The following NAV1 variants were observed in gnomAD, a reference collection of about 807,000 sequenced individuals.
NAV1 encodes neuron navigator 1, also known as pore membrane and/or filament interacting like protein 3.
A neutral mutation model predicts 175.2 loss-of-function variants in NAV1; 18 were observed. The observed-to-expected ratio is 0.10, with a 90% confidence interval of 0.07 to 0.15. The LOEUF (loss-of-function observed/expected upper bound fraction) is 0.15. NAV1 is among the 10% of genes least tolerant of loss of function. NAV1 has a pLI of 1.00. For missense variants in NAV1, 1,731 were observed against 2,436.6 expected, an observed-to-expected ratio of 0.71 and a Z score of 6.10; for synonymous variants, 897 against 978.7, an observed-to-expected ratio of 0.92 and a Z score of 1.56.
chr1:201,686,085 A>T (rs1197013543), intron 1 of NAV1, among the ~76,000 whole-genome samples: 2 of 152,222 alleles, frequency 1.3e-5, no homozygotes, highest in Non-Finnish European at 2.9e-5. Context: ...GAGCCAGAGA[A>T]GAGGCTGTGG....
intron 10 of NAV1, 58 bp from the exon 15 acceptor site, chr1:201,789,681 CA>C: frequency 1.3e-6 from 2 of 1,539,448 alleles, no homozygotes; most frequent in Non-Finnish European, 1.8e-6. Flanking sequence ...GGGAGTCTTC[CA>C]AAAACCCCTT....
intron 3 of NAV1, among the ~76,000 whole-genome samples, chr1:201,730,821 G>A (rs748992487): frequency 2.0e-5 from 3 of 152,180 alleles, no homozygotes; most frequent in Non-Finnish European, 4.4e-5. Context: ...TTCATGAGGG[G>A]CCAGCTCTGG....
exon 1 of NAV1, chr1:201,649,379 G>T: frequency 6.2e-7 from 1 of 1,601,702 alleles, no homozygotes; most frequent in East Asian, 2.3e-5. Flanking sequence ...AGCTGGTGGT[G>T]ACCGTGCTGG....
intron 1 of NAV1, among the ~76,000 whole-genome samples, chr1:201,571,330 C>T (rs1323052987): frequency 3.3e-5 from 5 of 152,210 alleles, no homozygotes; most frequent in South Asian, 2.1e-4. Flanking sequence ...TAGAACAGTG[C>T]GTGACACATA....
intron 1 of NAV1, among the ~76,000 whole-genome samples, chr1:201,704,706 CA>C (rs921896889): frequency 1.3e-5 from 2 of 152,208 alleles, no homozygotes; most frequent in Non-Finnish European, 2.9e-5. Context: ...TGGGGGTTTG[CA>C]AAGATGAGGC....
At chr1:201,797,034 C>T (rs1391111831) in intron 15 of NAV1, 2 of 152,120 alleles carry the variant, frequency 1.3e-5, no homozygotes, top group African/African-American at 4.8e-5. Context: ...GCTACTTGTG[C>T]TTTAGGTGCT....
At chr1:201,746,505 A>C (rs1219722752) in intron 3 of NAV1, among the ~76,000 whole-genome samples, 1 of 152,200 alleles carries the variant, frequency 6.6e-6, no homozygotes, top group Non-Finnish European at 1.5e-5. Context: ...AACAAAAGAC[A>C]ACCTATTCCC....
rs777210970 is a variant in NAV1, at chr1:201,782,308, C to A, written c.1796C>A (p.Pro599His). 2 of 1,614,204 alleles carry A rather than the reference C, an allele frequency of 1.2e-6. No homozygotes were observed. Among genetic ancestry groups the A allele is most frequent in the East Asian group, 2.2e-5 (1 of 44,868 alleles). ...AAGCCCCCCTCGGGCATTGCTCGCC[C>A]CTCCACTTCGGGATCCTTTGGCTAC... The change falls in exon 6 of 30, where the codon CCC becomes CAC. Residue 599 changes from proline (P) to histidine (H), a missense_variant. Pro to His is a moderately conservative substitution (Grantham distance 77). This residue lies in a region of NAV1 where 634 missense variants were observed against 766.8 expected (regional missense o/e 0.83). Coordinates refer to ENST00000367296, the Ensembl canonical transcript of NAV1. The surrounding 1 kb of genome is among the most constrained non-coding windows in gnomAD (Gnocchi z 5.4).
At position 201,740,148 on chromosome 1, in the gene NAV1, CCCGCCGCAGCCCCCCAGTT is replaced by C; in HGVS notation, c.1226+21404_1226+21422del. On this transcript the variant is annotated intron_variant, in intron 3 of 29. Transcript: ENST00000367296. The surrounding 1 kb of genome is among the most constrained non-coding windows in gnomAD (Gnocchi z 4.7). Reference sequence around the variant, plus strand: ...GGGTCGGGTTTGTGGCACCCCCAGCCCCGCCGCAGCCCCCCAGTTCCGCCGCAGCTGCAGTCTCAGGGGC... The same window carrying C: ...GGGTCGGGTTTGTGGCACCCCCAGCCCCGCCGCAGCTGCAGTCTCAGGGGC... 1 of 1,219,892 alleles carries C rather than the reference CCCGCCGCAGCCCCCCAGTT, an allele frequency of 8.2e-7. No individual in the cohort carries two copies. Among genetic ancestry groups the C allele is most frequent in the East Asian group, 3.1e-5 (1 of 32,720 alleles). The allele number at this position is 1,219,892 out of a possible 1,614,324, so 75.6% of individuals were successfully genotyped here.
At chr1:201,783,045 C>T (rs751861726) in intron 6 of NAV1, among the ~76,000 whole-genome samples, 176 bp downstream of exon 10, 1 of 152,206 alleles carries the variant, frequency 6.6e-6, no homozygotes, top group African/African-American at 2.4e-5. Context: ...TAGTTTCTGA[C>T]AGTTCTGAAA....
At chr1:201,679,789 C>A (rs1174614515) in intron 1 of NAV1, among the ~76,000 whole-genome samples, 1 of 152,168 alleles carries the variant, frequency 6.6e-6, no homozygotes, top group African/African-American at 2.4e-5. Context: ...GGAGGCTTTG[C>A]TTTGGAGTGA....
chr1:201,676,959 T>C (rs1182542081), intron 1 of NAV1, among the ~76,000 whole-genome samples: 1 of 152,016 alleles, frequency 6.6e-6, no homozygotes, highest in African/African-American at 2.4e-5. Flanking sequence ...AAGTCAGAAT[T>C]ACTGGGGTCT....
chr1:201,675,785 C>G (rs60232157), intron 1 of NAV1, among the ~76,000 whole-genome samples: 11,554 of 152,256 alleles, frequency 0.076, 495 homozygotes, highest in African/African-American at 0.11. Flanking sequence ...ACCCTGGCCT[C>G]CTGAGGCAAC....
At chr1:201,570,761 T>G (rs1327293749) in intron 1 of NAV1, among the ~76,000 whole-genome samples, 1 of 152,170 alleles carries the variant, frequency 6.6e-6, no homozygotes, top group Non-Finnish European at 1.5e-5. Flanking sequence ...TCACTTGGGA[T>G]CTATTCTCTC....
At chr1:201,566,811 A>G (rs1305352679) in intron 1 of NAV1, among the ~76,000 whole-genome samples, 3 of 151,146 alleles carry the variant, frequency 2.0e-5, no homozygotes, top group Admixed American at 2.0e-4. Flanking sequence ...TTTTTTTTTT[A>G]AAGGCAGGTT....
At chr1:201,770,689 G>A (rs1266268080) in intron 3 of NAV1, among the ~76,000 whole-genome samples, 1 of 152,142 alleles carries the variant, frequency 6.6e-6, no homozygotes, top group Non-Finnish European at 1.5e-5. Flanking sequence ...AGGATAAGGA[G>A]AAAATAGCTG....
chr1:201,713,123 A>ACATTT (rs1287219095), intron 2 of NAV1, among the ~76,000 whole-genome samples: 5 of 152,194 alleles, frequency 3.3e-5, no homozygotes, highest in African/African-American at 1.2e-4. Flanking sequence ...TTGTGCCTGA[A>ACATTT]CATTTCATTT....
At chr1:201,728,882 A>C (rs1416097756) in intron 3 of NAV1, among the ~76,000 whole-genome samples, 1 of 152,252 alleles carries the variant, frequency 6.6e-6, no homozygotes, top group Admixed American at 6.5e-5. Flanking sequence ...CAGGTATTCC[A>C]GAGGGGCTGC....
intron 3 of NAV1, among the ~76,000 whole-genome samples, chr1:201,779,292 C>T (rs1006049938): frequency 6.6e-6 from 1 of 151,928 alleles, no homozygotes; most frequent in African/African-American, 2.4e-5. Context: ...ACTTGTTAAA[C>T]CCAAAAATGA....
Sources: allele counts gnomAD v4.1 joint callset (sites outside exome capture counted in the v4.1 genomes callset), GRCh38; gene constraint gnomAD v4.1.1; regional missense constraint gnomAD v4.1.1; non-coding constraint Gnocchi (gnomAD v3.1); transcripts MANE v1.5; gene names NCBI Gene and HGNC (gene_info 2026-07-23, HGNC 2026-07-21).